Variants in RNF212 observed in about 807,000 individuals in gnomAD.
RNF212 encodes the protein ring finger protein 212, also known as probable E3 SUMO-protein ligase RNF212.
RNF212 carries 33 observed loss-of-function variants against 34.7 expected under a neutral mutation model. That is an observed-to-expected ratio of 0.95 (90% CI 0.72 to 1.27). The LOEUF (loss-of-function observed/expected upper bound fraction) is 1.27, where lower values mean the gene tolerates loss of function less well. RNF212 is among the 50% of genes most tolerant of loss of function. RNF212 has a pLI of 0.00. For missense variants in RNF212, 377 were observed against 362.2 expected (o/e 1.04, Z -0.33); for synonymous variants, 140 against 136.1 (o/e 1.03, Z -0.20).
At chr4:1,073,507 G>A in intron 9 of RNF212, 92 bp downstream of exon 9, 1 of 1,015,350 alleles carries the variant, frequency 9.8e-7, no homozygotes, top group Admixed American at 1.8e-5. Context: ...CCCTTGGGTA[G>A]GTTCTGACAG....
At position 1,090,795 on chromosome 4, in the gene RNF212, A is replaced by G. The variant is rs1323144592; in HGVS notation, c.290T>C (p.Phe97Ser). The G allele has an allele frequency of 1.9e-6, 3 of 1,582,358 alleles. No homozygotes were observed. The change falls in exon 4 of 10, where the codon TTC (phenylalanine) becomes TCC (serine). Residue 97 changes from phenylalanine (F) to serine (S), a missense_variant. Physicochemically the swap from Phe to Ser is radical, Grantham distance 155 (BLOSUM62 -2). Transcript: ENST00000433731. Reference protein sequence around the residue: ...QEKHRKRLLAFYREKISRLEE... With the variant: ...QEKHRKRLLASYREKISRLEE... ...AATTCCACTTACCTTTTCTCTATAG[A>G]AGGCTAACAATCTCTTCCTGTGTTT...
chr4:1,063,477 G>A (rs62294713), intron 3 of RNF212, among the ~76,000 whole-genome samples: 5 of 152,138 alleles, frequency 3.3e-5, no homozygotes, highest in Non-Finnish European at 7.4e-5. Flanking sequence ...TTGGGAGGCC[G>A]AGGTGGGCAG....
At chr4:1,094,825 C>G (rs1384172317) in intron 3 of RNF212, among the ~76,000 whole-genome samples, 1 of 152,192 alleles carries the variant, frequency 6.6e-6, no homozygotes, top group African/African-American at 2.4e-5. Flanking sequence ...GAGGGGGCAT[C>G]TTGCGCAAAG....
At position 1,081,574 on chromosome 4, in the gene RNF212, T is replaced by C. The variant is rs61745881; in HGVS notation, c.408A>G (p.Ser136=). The part of the protein sequence containing the change: ...QQTAFSTIKS[S]VSTKPHGCLL... ...TGGCATGATTTTACTTACTTGAAAC[T>C]GAACTTTTTATTGTGCTGAAAGCTG... Residue 136 remains serine (S), a synonymous_variant, in exon 6 of 10, where the codon TCA becomes TCG. Transcript: ENST00000433731. 70 of 1,610,822 alleles carry C rather than the reference T, an allele frequency of 4.3e-5. No individual in the cohort carries two copies. The highest frequency in any genetic ancestry group is 5.8e-5 in the Non-Finnish European group (68 of 1,177,182).
At chr4:1,059,289 A>C (rs971822566) in intron 3 of RNF212, among the ~76,000 whole-genome samples, 3 of 152,244 alleles carry the variant, frequency 2.0e-5, no homozygotes, top group Non-Finnish European at 2.9e-5. Flanking sequence ...GTAACTCCTC[A>C]GTCTGCAGGT....
intron 1 of RNF212, among the ~76,000 whole-genome samples, chr4:1,110,113 C>G (rs1725425481): frequency 6.6e-6 from 1 of 152,242 alleles, no homozygotes; most frequent in Admixed American, 6.5e-5. Flanking sequence ...AAAGTTCTTA[C>G]AAGGGAGGAG....
chr4:1,072,685 TA>T lies in RNF212; in HGVS notation c.*188del. The T allele has an allele frequency of 1.5e-6, 2 of 1,309,700 alleles. No homozygotes were observed. Among genetic ancestry groups the T allele is most frequent in the Non-Finnish European group, 2.0e-6 (2 of 1,001,626 alleles). 81.1% of individuals were successfully genotyped at this position (1,309,700 alleles called of 1,614,324 possible). Reference sequence around the variant, plus strand: ...GATAATAACAATATATATGAGTACATAAAAATATTGTCTCTAAAATTCAAAG... The same window carrying T: ...GATAATAACAATATATATGAGTACATAAAATATTGTCTCTAAAATTCAAAG... On this transcript the variant is annotated 3_prime_UTR_variant, in exon 10 of 10. Transcript: ENST00000433731.
At chr4:1,062,394 T>C (rs372173838) in intron 3 of RNF212, among the ~76,000 whole-genome samples, 1 of 152,328 alleles carries the variant, frequency 6.6e-6, no homozygotes, top group African/African-American at 2.4e-5. Context: ...GAACACATCA[T>C]GGTAACAGAA....
chr4:1,112,186 G>A (rs1454805999), intron 1 of RNF212, among the ~76,000 whole-genome samples: 1 of 152,196 alleles, frequency 6.6e-6, no homozygotes, highest in Non-Finnish European at 1.5e-5. Flanking sequence ...CAGCCTGGGC[G>A]ACAAAGCTGA....
At chr4:1,058,787 G>T (rs1717536363) in intron 3 of RNF212, among the ~76,000 whole-genome samples, 1 of 152,194 alleles carries the variant, frequency 6.6e-6, no homozygotes, top group Non-Finnish European at 1.5e-5. Flanking sequence ...CGTGGGCTCT[G>T]CGAGGGGAGC....
chr4:1,094,888 A>T (rs559878108), intron 3 of RNF212, among the ~76,000 whole-genome samples: 1 of 152,340 alleles, frequency 6.6e-6, no homozygotes, highest in Admixed American at 6.5e-5. Flanking sequence ...CAAAAGCAAA[A>T]ACAATAAAAC....
chr4:1,099,730 C>G (rs113600875), intron 2 of RNF212: 4 of 456,232 alleles, frequency 8.8e-6, no homozygotes, highest in Admixed American at 4.7e-5. Context: ...TGACTGAAGG[C>G]CTTTGCTGCG....
intron 5 of RNF212, among the ~76,000 whole-genome samples, chr4:1,082,241 G>T (rs1373193502): frequency 6.6e-6 from 1 of 152,206 alleles, no homozygotes. Flanking sequence ...AGCAACCCTG[G>T]ACTGATCTCC....
chr4:1,090,944 G>C, intron 3 of RNF212, 106 bp from the exon 4 acceptor site: 1 of 706,976 alleles, frequency 1.4e-6, no homozygotes, highest in Non-Finnish European at 2.5e-6. Context: ...AGAGCTCACA[G>C]TGCTTGTCTT....
At chr4:1,062,328 A>C (rs547488447) in intron 3 of RNF212, among the ~76,000 whole-genome samples, 1 of 152,348 alleles carries the variant, frequency 6.6e-6, no homozygotes, top group African/African-American at 2.4e-5. Context: ...TTCCTTCAAC[A>C]TACAGAAATC....
At chr4:1,080,815 C>A (rs1720214860) in intron 7 of RNF212, among the ~76,000 whole-genome samples, 1 of 152,206 alleles carries the variant, frequency 6.6e-6, no homozygotes, top group Admixed American at 6.5e-5. Flanking sequence ...CAGGGGTGGA[C>A]TGAATTTGTG....
chr4:1,070,262 T>C (rs1718371106), downstream of RNF212, among the ~76,000 whole-genome samples: 1 of 141,604 alleles, frequency 7.1e-6, no homozygotes, highest in Non-Finnish European at 1.5e-5. Context: ...AGGACTGTGC[T>C]GTGTCAGCGT....
chr4:1,097,894 A>C (rs902666757), intron 2 of RNF212, among the ~76,000 whole-genome samples: 4 of 152,058 alleles, frequency 2.6e-5, no homozygotes, highest in Admixed American at 2.6e-4. Context: ...GTGAAACCCC[A>C]TCTCTATCAA....
chr4:1,110,876 C>T (rs1404719708), intron 1 of RNF212, among the ~76,000 whole-genome samples: 1 of 152,148 alleles, frequency 6.6e-6, no homozygotes, highest in Non-Finnish European at 1.5e-5. Flanking sequence ...TGGAGGAATG[C>T]ACTCAGACTA....
Sources: allele counts gnomAD v4.1 joint callset (sites outside exome capture counted in the v4.1 genomes callset), GRCh38; gene constraint gnomAD v4.1.1; transcripts MANE v1.5; gene names NCBI Gene and HGNC (gene_info 2026-07-23, HGNC 2026-07-21).